Variants in CACHD1 observed in about 807,000 individuals in gnomAD.
CACHD1 encodes the protein VWFA and cache domain-containing protein 1.
CACHD1 carries 71 observed loss-of-function variants against 138.7 expected under a neutral mutation model. The ratio of observed to expected loss-of-function variants is 0.51; its 90% confidence interval spans 0.42 to 0.62. CACHD1 has a LOEUF of 0.62. Among genes scored for constraint, CACHD1 ranks in the 20% least tolerant of loss-of-function variants. CACHD1 has a pLI of 0.00. For synonymous variants in CACHD1, 578 were observed against 591.5 expected, an observed-to-expected ratio of 0.98 and a Z score of 0.33; for missense variants, 1,389 against 1,625.3, an observed-to-expected ratio of 0.85 and a Z score of 2.50.
Position 64,678,217 on chromosome 1 carries a change from C to T in CACHD1, c.3151C>T (p.His1051Tyr), listed in dbSNP as rs1300886785. The T allele has an allele frequency of 6.2e-7, 1 of 1,612,250 alleles. No individual in the cohort carries two copies. The highest frequency in any genetic ancestry group is 1.7e-5 in the Admixed American group (1 of 59,696). The change falls in exon 23 of 27, where the codon CAC becomes TAC. Residue 1051 changes from histidine to tyrosine, a missense_variant. Around this residue, in one of 5 missense-constraint regions of CACHD1, gnomAD observed 250 missense variants for 292.9 expected, o/e 0.85. Coordinates refer to ENST00000651257, the MANE Select transcript of CACHD1 (RefSeq NM_020925.4). ...CATGGTGGACAGTGATGGAAAGACTCACCTGGACAAACCCTACTGTGCCCC... is the reference window on the plus strand; with the variant it reads ...CATGGTGGACAGTGATGGAAAGACTTACCTGGACAAACCCTACTGTGCCCC... ...WCMVDSDGKT[H>Y]LDKPYCAPQK...
chr1:64,661,935 G>A (rs983798152), intron 13 of CACHD1, among the ~76,000 whole-genome samples: 1 of 152,126 alleles, frequency 6.6e-6, no homozygotes, highest in African/African-American at 2.4e-5. Context: ...ACGTAATCCT[G>A]GATTAAAATC....
Position 64,556,735 on chromosome 1 carries a change from G to C in CACHD1, c.261+6079G>C, listed in dbSNP as rs181445330. Among the ~76,000 whole-genome samples, 3 of 152,284 alleles carry C rather than the reference G, an allele frequency of 2.0e-5. No homozygotes were observed. In the East Asian group the frequency reaches 5.8e-4, roughly 29 times the overall value. Reference sequence around the variant, plus strand: ...GTGTGGGTCTAAATTGTCTAACAATGTGTTTTAAATCCTTAATTAGTTCAC... The same window carrying C: ...GTGTGGGTCTAAATTGTCTAACAATCTGTTTTAAATCCTTAATTAGTTCAC... On this transcript the variant is annotated intron_variant, in intron 2 of 26. Transcript: ENST00000651257.
At chr1:64,509,681 T>A (rs976290121) in intron 1 of CACHD1, among the ~76,000 whole-genome samples, 72 of 152,190 alleles carry the variant, frequency 4.7e-4, no homozygotes, top group African/African-American at 1.7e-3. Context: ...ACATTATATA[T>A]AAATGCAAAA....
Position 64,637,811 on chromosome 1 carries a change from G to T in CACHD1, c.1006+3551G>T, listed in dbSNP as rs1041399914. ...CCTAGATTAGTTTGTATAAAGAAAA[G>T]ACTTCAGGAATGAGCGTTGTCCAGT... On this transcript the variant is annotated intron_variant, in intron 7 of 26. Transcript: ENST00000651257. Among the ~76,000 whole-genome samples the T allele has an allele frequency of 2.0e-5, 3 of 152,152 alleles. No homozygotes were observed. The East Asian group carries it at 5.8e-4, about 29-fold the overall frequency.
intron 2 of CACHD1, among the ~76,000 whole-genome samples, chr1:64,550,941 T>C (rs937923385): frequency 2.0e-5 from 3 of 152,190 alleles, no homozygotes; most frequent in Non-Finnish European, 4.4e-5. Flanking sequence ...ACACTGAAAA[T>C]TATTTTATCT....
chr1:64,637,511 A>G (rs1648566122), intron 7 of CACHD1, among the ~76,000 whole-genome samples: 1 of 152,264 alleles, frequency 6.6e-6, no homozygotes, highest in Non-Finnish European at 1.5e-5. Context: ...AGACCTCATT[A>G]AATCTCTTCT....
intron 7 of CACHD1, among the ~76,000 whole-genome samples, chr1:64,641,605 T>G (rs1648716091): frequency 6.6e-6 from 1 of 152,184 alleles, no homozygotes; most frequent in Non-Finnish European, 1.5e-5. Flanking sequence ...CCTTACCTGA[T>G]GCTGCATAAA....
chr1:64,573,910 A>G lies in CACHD1; in HGVS notation c.262-8246A>G, dbSNP rs900009124. ...GTGCCCTAAACATAATCAGCAATCA[A>G]TTAGTTCTAATTATTGTTGTGTTAT... On this transcript the variant is annotated intron_variant, in intron 2 of 26. Transcript: ENST00000651257. Among the ~76,000 whole-genome samples, 4 of 152,242 alleles carry G rather than the reference A, an allele frequency of 2.6e-5. No individual in the cohort carries two copies. The South Asian group carries it at 6.2e-4, about 24-fold the overall frequency.
chr1:64,644,863 C>T (rs1648851575), intron 8 of CACHD1, among the ~76,000 whole-genome samples: 2 of 152,166 alleles, frequency 1.3e-5, no homozygotes, highest in East Asian at 1.9e-4. Context: ...TTTGGGATGC[C>T]GAGGCAGGCG....
At position 64,470,958 on chromosome 1, in the gene CACHD1, G is replaced by T; in HGVS notation, c.198+16G>T. 1 of 1,581,510 alleles carries T rather than the reference G, an allele frequency of 6.3e-7. No homozygotes were observed. The highest frequency in any genetic ancestry group is 8.6e-7 in the Non-Finnish European group (1 of 1,162,534). ...CACCATGCAGGTAAGTGGCCCCCGA[G>T]CTGGCCAGACATCCCGCCTTTCTCC... On this transcript the variant is annotated intron_variant, in intron 1 of 26. Transcript: ENST00000651257. This position sits in a 1 kb window ranked among gnomAD's most constrained non-coding sequence, Gnocchi z 5.2.
At chr1:64,665,737 C>T (rs1184526554) in intron 15 of CACHD1, among the ~76,000 whole-genome samples, 1 of 152,040 alleles carries the variant, frequency 6.6e-6, no homozygotes, top group Admixed American at 6.6e-5. Flanking sequence ...CATGACTTGG[C>T]CGGGTGCGGT....
In CACHD1 at chr1:64,682,124, G is replaced by A; in HGVS notation, c.3586+18G>A. 1 of 1,607,772 alleles carries A rather than the reference G, an allele frequency of 6.2e-7. No homozygotes were observed. Among genetic ancestry groups the A allele is most frequent in the Non-Finnish European group, 8.5e-7 (1 of 1,174,352 alleles). ...TGATCATGGTAAGGTCTAGCTTCCTGCATTTGAAGACCCAAGGAACCTCAT... is the reference window on the plus strand; with the variant it reads ...TGATCATGGTAAGGTCTAGCTTCCTACATTTGAAGACCCAAGGAACCTCAT... On this transcript the variant is annotated intron_variant, in intron 26 of 26. Coordinates refer to ENST00000651257, the MANE Select transcript of CACHD1 (RefSeq NM_020925.4).
At chr1:64,617,310 A>G (rs774988449) in intron 4 of CACHD1, among the ~76,000 whole-genome samples, 82 of 152,000 alleles carry the variant, frequency 5.4e-4, no homozygotes, top group Non-Finnish European at 1.0e-3. Context: ...TATTTCTTTT[A>G]TAAATGCTTG....
At chr1:64,508,616 G>A (rs1646395177) in intron 1 of CACHD1, among the ~76,000 whole-genome samples, 1 of 152,182 alleles carries the variant, frequency 6.6e-6, no homozygotes, top group Admixed American at 6.5e-5. Flanking sequence ...ACTTGTTTCA[G>A]TGATTGACAT....
chr1:64,672,814 T>A (rs565953915), intron 17 of CACHD1, among the ~76,000 whole-genome samples: 11 of 152,302 alleles, frequency 7.2e-5, no homozygotes, highest in Admixed American at 2.0e-4. Flanking sequence ...AGGATCTGCT[T>A]GCCTGGAAAA....
chr1:64,514,140 G>C (rs1277745228), intron 1 of CACHD1, among the ~76,000 whole-genome samples: 1 of 152,208 alleles, frequency 6.6e-6, no homozygotes, highest in Admixed American at 6.5e-5. Context: ...TCAAGATAAA[G>C]TTTAGATCTG....
intron 1 of CACHD1, among the ~76,000 whole-genome samples, chr1:64,527,486 C>T (rs1019048418): frequency 1.3e-5 from 2 of 152,238 alleles, no homozygotes; most frequent in South Asian, 4.1e-4. Context: ...CGCTCTCACG[C>T]GGTCCTGTTG....
chr1:64,529,700 T>C (rs1646566850), intron 1 of CACHD1, among the ~76,000 whole-genome samples: 1 of 152,204 alleles, frequency 6.6e-6, no homozygotes, highest in African/African-American at 2.4e-5. Flanking sequence ...TCAGCTAGTA[T>C]TCAGCAGAGC....
chr1:64,689,581 C>A (rs1650478500), intron 26 of CACHD1, among the ~76,000 whole-genome samples: 1 of 152,158 alleles, frequency 6.6e-6, no homozygotes, highest in South Asian at 2.1e-4. Context: ...ATGATCATGC[C>A]ATTTTTTGGC....
Sources: gnomAD v4.1 joint callset for allele counts (sites outside exome capture counted in the v4.1 genomes callset) on GRCh38, gnomAD v4.1.1 for gene constraint, gnomAD v4.1.1 regional missense constraint, Gnocchi (gnomAD v3.1) non-coding constraint, MANE v1.5 for transcripts, NCBI Gene and HGNC (gene_info 2026-07-23, HGNC 2026-07-21) for gene names.